The following DHRS9 variants were observed in gnomAD, a reference collection of about 807,000 sequenced individuals.
DHRS9 encodes the protein dehydrogenase/reductase 9, also known as dehydrogenase/reductase SDR family member 9.
In DHRS9, 18 loss-of-function variants were observed where a neutral mutation model predicts 26.6. That is an observed-to-expected ratio of 0.68 (90% CI 0.47 to 1.00). The LOEUF is 1.00. Ranked by LOEUF, DHRS9 falls within the 50% of genes least tolerant of loss-of-function variation. The probability of loss-of-function intolerance (pLI) is 0.00; values close to 1 mark genes in which losing one functional copy is unlikely to be tolerated. For missense variants in DHRS9, 425 were observed against 378.7 expected (o/e 1.12, Z -1.01); for synonymous variants, 134 against 141.1 (o/e 0.95, Z 0.36).
At chr2:169,075,336 T>C (rs748579685) in intron 1 of DHRS9, among the ~76,000 whole-genome samples, 2 of 152,208 alleles carry the variant, frequency 1.3e-5, no homozygotes, top group Non-Finnish European at 2.9e-5. Context: ...TTCCTCTCTA[T>C]ATACATAGGT....
chr2:169,087,944 G>A (rs187265075), intron 3 of DHRS9, among the ~76,000 whole-genome samples: 17 of 152,178 alleles, frequency 1.1e-4, no homozygotes, highest in East Asian at 9.7e-4. Context: ...TGTGGGCTGC[G>A]CGGTCTGGGG....
At chr2:169,067,586 T>C (rs1683681659), upstream of DHRS9, among the ~76,000 whole-genome samples, 4 of 152,306 alleles carry the variant, frequency 2.6e-5, no homozygotes, top group South Asian at 6.2e-4. Flanking sequence ...TCCTTTGTTT[T>C]AAAAAGGAAC....
At chr2:169,084,959 T>A (rs1385959740) in intron 3 of DHRS9, among the ~76,000 whole-genome samples, 1 of 152,168 alleles carries the variant, frequency 6.6e-6, no homozygotes, top group Non-Finnish European at 1.5e-5. Context: ...AGTTTCAGAG[T>A]TTGAGGTCTT....
chr2:169,072,584 C>T (rs1683840968), intron 1 of DHRS9: 2 of 985,028 alleles, frequency 2.0e-6, no homozygotes, highest in Non-Finnish European at 2.4e-6. Flanking sequence ...GGAAAACAAA[C>T]TCAGGAAGAA....
chr2:169,089,984 T>C (rs1574036125), intron 3 of DHRS9, among the ~76,000 whole-genome samples: 2 of 152,198 alleles, frequency 1.3e-5, no homozygotes, highest in African/African-American at 2.4e-5. Flanking sequence ...AATTGTAGTA[T>C]ATGTAATTAG....
At position 169,096,073 on chromosome 2, in the gene DHRS9, G is replaced by A. The variant is rs1301203270; in HGVS notation, c.*306G>A. The A allele has an allele frequency of 5.3e-6, 2 of 374,324 alleles. No homozygotes were observed. Among genetic ancestry groups the A allele is most frequent in the Non-Finnish European group, 9.9e-6 (2 of 202,788 alleles). The allele number at this position is 374,324 out of a possible 1,614,324, so 23.2% of individuals were successfully genotyped here. The stretch of plus-strand genomic sequence containing the variant: ...GCCCATTCAAAATGATCTTTACCGT[G>A]GCCTGCCCCATGCTTATGGTCCCCA... On this transcript the variant is annotated 3_prime_UTR_variant, in exon 5 of 5. Coordinates refer to ENST00000674881, the MANE Select transcript of DHRS9 (RefSeq NM_001376924.1).
At chr2:169,072,272 G>A (rs952781291) in intron 1 of DHRS9, among the ~76,000 whole-genome samples, 2 of 151,922 alleles carry the variant, frequency 1.3e-5, no homozygotes, top group African/African-American at 2.4e-5. Flanking sequence ...ATTCAACTTG[G>A]GCCACAATTG....
At chr2:169,088,499 A>G (rs1684421468) in intron 3 of DHRS9, among the ~76,000 whole-genome samples, 1 of 152,132 alleles carries the variant, frequency 6.6e-6, no homozygotes, top group South Asian at 2.1e-4. Context: ...GGTTTTATGA[A>G]GGTTTTTTTG....
intron 1 of DHRS9, among the ~76,000 whole-genome samples, chr2:169,073,606 G>A (rs557150791): frequency 1.8e-4 from 28 of 152,316 alleles, no homozygotes; most frequent in Admixed American, 1.8e-3. Context: ...GATGGGAGGT[G>A]ATTGGATGAA....
chr2:169,091,685 A>C (rs1684531443), intron 3 of DHRS9, 105 bp from the exon 4 acceptor site: 2 of 1,291,784 alleles, frequency 1.5e-6, no homozygotes, highest in Non-Finnish European at 2.1e-6. Flanking sequence ...AAATGCACCC[A>C]AATCTGTGAT....
chr2:169,081,566 A>T lies in DHRS9; in HGVS notation c.-16A>T. 7 of 1,610,706 alleles carry T rather than the reference A, an allele frequency of 4.3e-6. No individual in the cohort carries two copies. The highest frequency in any genetic ancestry group is 5.9e-6 in the Non-Finnish European group (7 of 1,178,510). On this transcript the variant is annotated 5_prime_UTR_variant, in exon 2 of 5. Transcript: ENST00000674881. Reference sequence around the variant, plus strand: ...TATACAAGAAAGGAGTGTACCTATCACACACAGGGGGAAAAATGCTCTTTT... The same window carrying T: ...TATACAAGAAAGGAGTGTACCTATCTCACACAGGGGGAAAAATGCTCTTTT...
intron 1 of DHRS9, among the ~76,000 whole-genome samples, chr2:169,071,207 G>C (rs1432844292): frequency 2.0e-5 from 3 of 152,182 alleles, no homozygotes; most frequent in African/African-American, 7.2e-5. Flanking sequence ...AAAGCCTTGT[G>C]ACTACAAATG....
Position 169,083,596 on chromosome 2 carries a change from A to G in DHRS9, c.572+9A>G. ...TTCAATGACAGCTTAAGGTAAATCA[A>G]ATTAATCAACTTATTAGGAAACAAT... On this transcript the variant is annotated intron_variant, in intron 3 of 4. Coordinates refer to ENST00000674881, the MANE Select transcript of DHRS9 (RefSeq NM_001376924.1). 6.2e-7 allele frequency: 1 copy of G among 1,611,986 alleles called. No individual in the cohort carries two copies. Among genetic ancestry groups the G allele is most frequent in the Non-Finnish European group, 8.5e-7 (1 of 1,178,438 alleles).
Position 169,095,867 on chromosome 2 carries a change from T to G in DHRS9, c.*100T>G. On this transcript the variant is annotated 3_prime_UTR_variant, in exon 5 of 5. Coordinates refer to ENST00000674881, the MANE Select transcript of DHRS9 (RefSeq NM_001376924.1). Reference sequence around the variant, plus strand: ...ATTCCTTATCTGCTCCAACCTGGACTCATTTAGATCGTGCTTATTTGGATT... The same window carrying G: ...ATTCCTTATCTGCTCCAACCTGGACGCATTTAGATCGTGCTTATTTGGATT... The G allele has an allele frequency of 9.4e-7, 1 of 1,059,768 alleles. No homozygotes were observed. The highest frequency in any genetic ancestry group is 1.4e-6 in the Non-Finnish European group (1 of 716,232). The allele number at this position is 1,059,768 out of a possible 1,614,324, so 65.6% of individuals were successfully genotyped here. A position where few individuals can be genotyped will look rare whatever the true frequency, so the allele number is the denominator to read the frequency against.
chr2:169,071,771 C>A (rs912555744), intron 1 of DHRS9, among the ~76,000 whole-genome samples: 4 of 152,150 alleles, frequency 2.6e-5, no homozygotes, highest in African/African-American at 4.8e-5. Flanking sequence ...ATATCATCAG[C>A]AGCATAATAA....
At chr2:169,089,515 A>T (rs530729684) in intron 3 of DHRS9, among the ~76,000 whole-genome samples, 2 of 152,292 alleles carry the variant, frequency 1.3e-5, no homozygotes, top group African/African-American at 4.8e-5. Flanking sequence ...TGAGAAGACA[A>T]AGTTAGTTAT....
In DHRS9 at chr2:169,095,922, T is replaced by G; in HGVS notation, c.*155T>G. On this transcript the variant is annotated 3_prime_UTR_variant, in exon 5 of 5. Transcript: ENST00000674881. ...AAGGGAGTCCCACCATCGCTGGTGG[T>G]ATCCCAGGGTCCCTGCTCAAGTTTT... 1 of 690,962 alleles carries G rather than the reference T, an allele frequency of 1.4e-6. No homozygotes were observed. Among genetic ancestry groups the G allele is most frequent in the Non-Finnish European group, 2.5e-6 (1 of 406,136 alleles). 42.8% of individuals were successfully genotyped at this position (690,962 alleles called of 1,614,324 possible).
intron 1 of DHRS9, among the ~76,000 whole-genome samples, chr2:169,071,164 C>A (rs1223397599): frequency 6.6e-6 from 1 of 152,176 alleles, no homozygotes; most frequent in Non-Finnish European, 1.5e-5. Context: ...CTTTTGGAAC[C>A]TATACATATG....
chr2:169,081,944 G>T, intron 2 of DHRS9, 50 bp downstream of exon 2: 1 of 1,510,478 alleles, frequency 6.6e-7, no homozygotes, highest in Non-Finnish European at 8.9e-7. Context: ...GGGATAGGGA[G>T]GTAACCAAAG....
Sources: allele counts gnomAD v4.1 joint callset (sites outside exome capture counted in the v4.1 genomes callset), GRCh38; gene constraint gnomAD v4.1.1; transcripts MANE v1.5; gene names NCBI Gene and HGNC (gene_info 2026-07-23, HGNC 2026-07-21).